NMNAT1: variants seen among roughly 807,000 people sequenced by gnomAD.
NMNAT1 encodes the protein nicotinamide/nicotinic acid mononucleotide adenylyltransferase 1.
NMNAT1 carries 11 observed loss-of-function variants against 16.7 expected under a neutral mutation model. The ratio of observed to expected loss-of-function variants is 0.66; its 90% CI spans 0.41 to 1.09. The LOEUF is 1.09. Ranked by LOEUF, NMNAT1 falls within the 50% of genes least tolerant of loss-of-function variation. The probability of loss-of-function intolerance (pLI) is 0.00; values close to 1 mark genes in which losing one functional copy is unlikely to be tolerated. For missense variants in NMNAT1, 280 were observed against 332.3 expected, an observed-to-expected ratio of 0.84 and a Z score of 1.22; for synonymous variants, 110 against 119.8, an observed-to-expected ratio of 0.92 and a Z score of 0.53.
rs188152671 is a variant in NMNAT1 at position 9,961,848 on chromosome 1, C to T, written c.-56-10170C>T. On this transcript the variant is annotated intron_variant, in intron 1 of 4. Transcript: ENST00000377205. ...GTGCAATGGCATGATCTCGGCTCGC[C>T]GCAACCTCCACCTCCCAGGTTCAAG... 2.7e-3 allele frequency among the ~76,000 whole-genome samples: 417 copies of T among 151,972 alleles called. 1 individual carries two copies. Among genetic ancestry groups the T allele is most frequent in the African/African-American group, 9.7e-3 (402 of 41,458 alleles).
chr1:9,977,471 T>C (rs1403526433), intron 3 of NMNAT1, among the ~76,000 whole-genome samples: 1 of 152,150 alleles, frequency 6.6e-6, no homozygotes, highest in Non-Finnish European at 1.5e-5. Context: ...TTCTGAACTT[T>C]CCAGTGACTG....
chr1:9,973,137 G>A (rs979867225), intron 2 of NMNAT1, among the ~76,000 whole-genome samples: 5 of 151,622 alleles, frequency 3.3e-5, no homozygotes, highest in Non-Finnish European at 7.4e-5. Context: ...TTTTTTTTGA[G>A]ATGGACTTCA....
Position 9,981,100 on chromosome 1 carries a change from T to C in NMNAT1, c.369T>C (p.Pro123=). The change falls in exon 4 of 5, where the codon CCT becomes CCC. Residue 123 remains proline (P), a synonymous_variant. Coordinates refer to ENST00000377205, the MANE Select transcript of NMNAT1 (RefSeq NM_022787.4). ...AGAACTCACCTACTCTAGAAAGGCCTGGAAGGAAGAGGAAGTGGACTGAAA... is the reference window on the plus strand; with the variant it reads ...AGAACTCACCTACTCTAGAAAGGCCCGGAAGGAAGAGGAAGTGGACTGAAA... ...HQQNSPTLER[P]GRKRKWTETQ... The C allele has an allele frequency of 6.2e-7, 1 of 1,613,874 alleles. No homozygotes were observed. The highest frequency in any genetic ancestry group is 1.1e-5 in the South Asian group (1 of 91,062).
chr1:9,971,632 C>A (rs924843842), intron 1 of NMNAT1, among the ~76,000 whole-genome samples: 6 of 151,814 alleles, frequency 4.0e-5, no homozygotes, highest in Non-Finnish European at 8.8e-5. Context: ...ACTTTTAATC[C>A]ATCTATTGGG....
At chr1:9,995,470 A>G in the NMNAT1 span, among the ~76,000 whole-genome samples, 4 of 151,826 alleles carry the variant, frequency 2.6e-5, no homozygotes, top group African/African-American at 7.3e-5. Context: ...AGGTGGGTGG[A>G]TCTTTTAAGG....
At chr1:9,991,748 A>G in the NMNAT1 span, among the ~76,000 whole-genome samples, 3 of 152,324 alleles carry the variant, frequency 2.0e-5, no homozygotes, top group South Asian at 4.1e-4. Flanking sequence ...GGATTATAAT[A>G]ATGATAAAGG....
the NMNAT1 span, among the ~76,000 whole-genome samples, chr1:9,993,475 C>CAA: frequency 2.2e-5 from 3 of 134,118 alleles, no homozygotes; most frequent in African/African-American, 8.3e-5. Context: ...CACCCCATCT[C>CAA]AAAAAAAAAA....
chr1:9,977,383 G>A (rs1641838341), intron 3 of NMNAT1, among the ~76,000 whole-genome samples: 1 of 152,004 alleles, frequency 6.6e-6, no homozygotes, highest in South Asian at 2.1e-4. Context: ...GAGCTACCAT[G>A]CCTGGCCTGT....
At chr1:9,956,524 C>T (rs777268150) in intron 1 of NMNAT1, among the ~76,000 whole-genome samples, 6 of 149,924 alleles carry the variant, frequency 4.0e-5, no homozygotes, top group East Asian at 2.0e-4. Flanking sequence ...TGGGTTCAAG[C>T]GATTCTCATG....
chr1:9,949,407 C>T (rs758657671), intron 1 of NMNAT1, among the ~76,000 whole-genome samples: 9 of 97,940 alleles, frequency 9.2e-5, no homozygotes, highest in Non-Finnish European at 2.0e-4. Flanking sequence ...AAATCTTCCA[C>T]TGCTTTTTTT....
intron 1 of NMNAT1, among the ~76,000 whole-genome samples, chr1:9,960,296 A>G (rs906468914): frequency 3.1e-5 from 4 of 127,560 alleles, no homozygotes; most frequent in African/African-American, 1.2e-4. Context: ...AAAAAAAACA[A>G]AAACAAAAAC....
intron 1 of NMNAT1, among the ~76,000 whole-genome samples, chr1:9,958,448 T>G (rs11580158): frequency 0.081 from 12,228 of 151,576 alleles, 602 homozygotes; most frequent in Middle Eastern, 0.17. Context: ...GTTTTGTTTT[T>G]TTTTTTTTTG....
rs1026765174 is a variant in NMNAT1, at chr1:9,982,481, G to A, written c.620G>A (p.Arg207Gln). 18 of 1,613,992 alleles carry A rather than the reference G, an allele frequency of 1.1e-5. No individual in the cohort carries two copies. The highest frequency in any genetic ancestry group is 3.3e-5 in the Admixed American group (2 of 59,958). The change falls in exon 5 of 5, where the codon CGG becomes CAG. Residue 207 changes from arginine (R) to glutamine (Q), a missense_variant. Transcript: ENST00000377205. The part of the protein sequence containing the change: ...IYESDVLWKH[R>Q]SNIHVVNEWI... ...GAATCGGATGTGCTGTGGAAACACCGGAGCAACATTCACGTGGTGAATGAA... is the reference window on the plus strand; with the variant it reads ...GAATCGGATGTGCTGTGGAAACACCAGAGCAACATTCACGTGGTGAATGAA...
the NMNAT1 span, among the ~76,000 whole-genome samples, chr1:9,996,322 A>AAG: frequency 3.4e-5 from 5 of 146,362 alleles, no homozygotes; most frequent in African/African-American, 1.2e-4. Context: ...AAAAAAAAAA[A>AAG]AAAAGAAAAA....
chr1:9,962,343 G>T (rs1404013146), intron 1 of NMNAT1, among the ~76,000 whole-genome samples: 5 of 151,580 alleles, frequency 3.3e-5, no homozygotes, highest in African/African-American at 1.2e-4. Context: ...TTAGCCCGGC[G>T]TAGTGGTGGG....
At position 9,983,797 on chromosome 1, in the gene NMNAT1, A is replaced by G. The variant is rs935129580; in HGVS notation, c.*1096A>G. Reference sequence around the variant, plus strand: ...GAGTTTAAGAGTTGAAGGAGTCCTGAAAAGTAATGATAGAGCAAGATGAAG... The same window carrying G: ...GAGTTTAAGAGTTGAAGGAGTCCTGGAAAGTAATGATAGAGCAAGATGAAG... On this transcript the variant is annotated 3_prime_UTR_variant, in exon 5 of 5. Coordinates refer to ENST00000377205, the MANE Select transcript of NMNAT1 (RefSeq NM_022787.4). The G allele has an allele frequency of 3.3e-5, 5 of 152,178 alleles. No homozygotes were observed. The highest frequency in any genetic ancestry group is 7.3e-5 in the Non-Finnish European group (5 of 68,044). The allele number at this position is 152,178 out of a possible 1,614,324, so 9.4% of individuals were successfully genotyped here.
intron 1 of NMNAT1, among the ~76,000 whole-genome samples, chr1:9,958,241 A>G (rs1641315633): frequency 6.6e-6 from 1 of 152,158 alleles, no homozygotes; most frequent in Non-Finnish European, 1.5e-5. Context: ...ATAATGTTAC[A>G]TTTAACTACA....
At chr1:9,950,272 G>T (rs923335018) in intron 1 of NMNAT1, among the ~76,000 whole-genome samples, 1 of 152,098 alleles carries the variant, frequency 6.6e-6, no homozygotes, top group East Asian at 1.9e-4. Flanking sequence ...TGTATTTTTA[G>T]TAGTGACAGG....
chr1:9,969,033 A>G (rs1021191089), intron 1 of NMNAT1, among the ~76,000 whole-genome samples: 3 of 152,078 alleles, frequency 2.0e-5, no homozygotes, highest in African/African-American at 4.8e-5. Context: ...TGGAGCTGCA[A>G]TTTGAAGCCA....
Sources: allele counts gnomAD v4.1 joint callset (sites outside exome capture counted in the v4.1 genomes callset), GRCh38; gene constraint gnomAD v4.1.1; transcripts MANE v1.5; gene names NCBI Gene and HGNC (gene_info 2026-07-23, HGNC 2026-07-21).